Variants in FGF10 observed in about 807,000 individuals in gnomAD.
FGF10 encodes the protein fibroblast growth factor 10, also known as FGF-10.
In FGF10, 2 loss-of-function variants were observed where a neutral mutation model predicts 19.8. That is an observed-to-expected ratio of 0.10 (90% CI 0.04 to 0.32). FGF10 has a LOEUF of 0.32. Among genes scored for constraint, FGF10 ranks in the 10% least tolerant of loss-of-function variants. The pLI is 1.00. For missense variants in FGF10, 191 were observed against 246.3 expected, an observed-to-expected ratio of 0.78 and a Z score of 1.50; for synonymous variants, 112 against 94.0, an observed-to-expected ratio of 1.19 and a Z score of -1.10.
In FGF10 at chr5:44,304,845, T is replaced by C; in HGVS notation, c.*150A>G. 2.7e-6 allele frequency: 2 copies of C among 737,146 alleles called. No individual in the cohort carries two copies. Among genetic ancestry groups the C allele is most frequent in the Non-Finnish European group, 2.4e-6 (1 of 419,258 alleles). The allele number at this position is 737,146 out of a possible 1,614,324, so 45.7% of individuals were successfully genotyped here. ...AAGAACATCATATGTCAGCAGTGAA[T>C]ACAAAAACCTTCAAAGGCTGGCTTT... On this transcript the variant is annotated 3_prime_UTR_variant, in exon 3 of 3. Coordinates refer to ENST00000264664, the MANE Select transcript of FGF10 (RefSeq NM_004465.2).
At chr5:44,337,438 A>T (rs1437298494) in intron 1 of FGF10, among the ~76,000 whole-genome samples, 3 of 152,192 alleles carry the variant, frequency 2.0e-5, no homozygotes, top group African/African-American at 7.2e-5. Context: ...ATTAAACAAA[A>T]ATTAGAAAGA....
chr5:44,356,553 A>T (rs1741351731), intron 1 of FGF10, among the ~76,000 whole-genome samples: 1 of 151,322 alleles, frequency 6.6e-6, no homozygotes, highest in Admixed American at 6.6e-5. Context: ...TGGCAGCCAA[A>T]TGCAATGGAG....
rs926790483 is a variant in FGF10, at chr5:44,304,137, T to C, written c.*858A>G. ...GGCACAGCATTGCCATATTTATTGTTGATGGTTATTACTGCAGAAGTGCAA... is the reference window on the plus strand; with the variant it reads ...GGCACAGCATTGCCATATTTATTGTCGATGGTTATTACTGCAGAAGTGCAA... On this transcript the variant is annotated 3_prime_UTR_variant, in exon 3 of 3. Transcript: ENST00000264664. 3.9e-5 allele frequency: 6 copies of C among 152,144 alleles called. No homozygotes were observed. The highest frequency in any genetic ancestry group is 6.6e-5 in the Admixed American group (1 of 15,258). 9.4% of individuals were successfully genotyped at this position (152,144 alleles called of 1,614,324 possible).
intron 1 of FGF10, among the ~76,000 whole-genome samples, chr5:44,325,586 G>T (rs1299838994): frequency 6.6e-6 from 1 of 152,094 alleles, no homozygotes; most frequent in African/African-American, 2.4e-5. Context: ...TCCTTTGTAG[G>T]GACATGGATG....
chr5:44,326,465 C>A (rs1006506334), intron 1 of FGF10, among the ~76,000 whole-genome samples: 3 of 152,098 alleles, frequency 2.0e-5, no homozygotes, highest in African/African-American at 7.2e-5. Context: ...GTTCCATGAT[C>A]ATGGCTCATT....
intron 1 of FGF10, among the ~76,000 whole-genome samples, chr5:44,327,409 G>A (rs1298376013): frequency 1.3e-5 from 2 of 152,046 alleles, no homozygotes; most frequent in Admixed American, 6.6e-5. Flanking sequence ...GGACCACTTT[G>A]GCTCCCTTTT....
intron 1 of FGF10, among the ~76,000 whole-genome samples, chr5:44,371,008 T>C (rs966605667): frequency 2.6e-5 from 4 of 152,094 alleles, no homozygotes; most frequent in Non-Finnish European, 4.4e-5. Flanking sequence ...AATGTACCAG[T>C]TACTGAAATT....
At chr5:44,320,179 C>A (rs1224846029) in intron 1 of FGF10, among the ~76,000 whole-genome samples, 2 of 152,188 alleles carry the variant, frequency 1.3e-5, no homozygotes, top group Non-Finnish European at 2.9e-5. Context: ...TGAACGTTAG[C>A]AGACAGATTT....
At chr5:44,342,471 G>A (rs1195156388) in intron 1 of FGF10, among the ~76,000 whole-genome samples, 2 of 150,434 alleles carry the variant, frequency 1.3e-5, no homozygotes, top group Admixed American at 6.6e-5. Flanking sequence ...GAGTTCAAGG[G>A]AACAAGGATT....
At chr5:44,306,359 T>A (rs1033941591) in intron 2 of FGF10, among the ~76,000 whole-genome samples, 2 of 152,214 alleles carry the variant, frequency 1.3e-5, no homozygotes, top group African/African-American at 4.8e-5. Flanking sequence ...ATCATTCCAC[T>A]GCACTGCAGC....
rs188507821 is a variant in FGF10 at position 44,372,485 on chromosome 5, A to C, written c.325+15873T>G. On this transcript the variant is annotated intron_variant, in intron 1 of 2. Coordinates refer to ENST00000264664, the MANE Select transcript of FGF10 (RefSeq NM_004465.2). ...TTACCATATAAGGTAATAGTCACAC[A>C]TTCCAGGGATTACAGCCTGATATTT... Among the ~76,000 whole-genome samples, 14 of 152,278 alleles carry C rather than the reference A, an allele frequency of 9.2e-5. No homozygotes were observed. The East Asian group carries it at 2.7e-3, about 30-fold the overall frequency.
intron 1 of FGF10, among the ~76,000 whole-genome samples, chr5:44,380,457 C>T (rs934447136): frequency 4.6e-5 from 7 of 152,110 alleles, no homozygotes; most frequent in Admixed American, 1.3e-4. Flanking sequence ...TAAAGGCATA[C>T]GTATTTCTAT....
Position 44,310,654 on chromosome 5 carries a change from T to C in FGF10, c.326-124A>G, listed in dbSNP as rs932393427. On this transcript the variant is annotated intron_variant, in intron 1 of 2. Transcript: ENST00000264664. ...TCTAAAAACAAAAGGCACAAAACAT[T>C]GGTAAACAAACAAGCAAACAAGCAA... is the stretch of plus-strand genomic sequence containing the variant. The C allele has an allele frequency of 8.6e-5, 60 of 699,764 alleles. 1 individual carries two copies. The highest frequency in any genetic ancestry group is 1.1e-4 in the Non-Finnish European group (45 of 400,108). The allele number at this position is 699,764 out of a possible 1,614,324, so 43.3% of individuals were successfully genotyped here.
rs528707474 is a variant in FGF10 at position 44,320,350 on chromosome 5, T to C, written c.326-9820A>G. ...TTTACCACTTCCACCCATGCTTCTT[T>C]CCTGCACTGTGCACTTGTTTCAGTC... On this transcript the variant is annotated intron_variant, in intron 1 of 2. Transcript: ENST00000264664. 2.6e-5 allele frequency among the ~76,000 whole-genome samples: 4 copies of C among 152,314 alleles called. No individual in the cohort carries two copies. In the South Asian group the frequency reaches 8.3e-4, roughly 32 times the overall value.
chr5:44,379,963 C>G (rs1266588025), intron 1 of FGF10, among the ~76,000 whole-genome samples: 9 of 152,138 alleles, frequency 5.9e-5, no homozygotes, highest in Admixed American at 5.9e-4. Context: ...CATATTTGAG[C>G]TCTAAAACAC....
intron 1 of FGF10, among the ~76,000 whole-genome samples, chr5:44,387,765 A>G (rs1372029118): frequency 2.0e-5 from 3 of 152,154 alleles, no homozygotes; most frequent in Non-Finnish European, 4.4e-5. Flanking sequence ...AACAAAACAA[A>G]AATCAAAACC....
intron 2 of FGF10, among the ~76,000 whole-genome samples, chr5:44,308,264 T>A (rs746925970): frequency 6.6e-6 from 1 of 152,240 alleles, no homozygotes; most frequent in Non-Finnish European, 1.5e-5. Context: ...TGAAGAAAAG[T>A]ATTAAATATT....
At chr5:44,315,234 A>G (rs184162355) in intron 1 of FGF10, among the ~76,000 whole-genome samples, 6 of 152,218 alleles carry the variant, frequency 3.9e-5, no homozygotes, top group Non-Finnish European at 7.4e-5. Flanking sequence ...TATGAGAGAT[A>G]AAATATGTTA....
intron 1 of FGF10, among the ~76,000 whole-genome samples, chr5:44,347,097 A>T: frequency 6.6e-6 from 1 of 151,802 alleles, no homozygotes. Context: ...GAAGGCCAAG[A>T]ACATAGTAAA....
Sources: allele counts gnomAD v4.1 joint callset (sites outside exome capture counted in the v4.1 genomes callset), GRCh38; gene constraint gnomAD v4.1.1; transcripts MANE v1.5; gene names NCBI Gene and HGNC (gene_info 2026-07-23, HGNC 2026-07-21).